Variants in DMD observed in about 807,000 individuals in gnomAD.
DMD encodes mutant dystrophin.
DMD carries 63 observed loss-of-function variants against 330.1 expected under a neutral mutation model. The ratio of observed to expected loss-of-function variants is 0.19; its 90% CI spans 0.16 to 0.24. The LOEUF is 0.24. DMD is among the 10% of genes least tolerant of loss of function. The pLI, the probability that DMD is intolerant of heterozygous loss-of-function variation, is 1.00. For synonymous variants in DMD, 1,223 were observed against 959.8 expected (o/e 1.27, Z -5.07); for missense variants, 3,344 against 2,684.1 (o/e 1.25, Z -5.43).
At chrX:32,265,106 T>A (rs1383548454) in intron 43 of DMD, among the ~76,000 whole-genome samples, 1 of 112,347 alleles carries the variant, frequency 8.9e-6, no homozygotes, top group Non-Finnish European at 1.9e-5. Flanking sequence ...GAAGTTTTCA[T>A]GGCAGCCCCT....
At chrX:31,206,817 T>C in intron 65 of DMD, 150 bp from the exon 66 acceptor site, 3 of 510,134 alleles carry the variant, frequency 5.9e-6, no homozygotes, top group Non-Finnish European at 1.0e-5. Context: ...TTTATTAAGA[T>C]TGTTTTGAAC....
chrX:32,243,062 GC>G (rs1270481731), intron 43 of DMD, among the ~76,000 whole-genome samples: 1 of 108,425 alleles, frequency 9.2e-6, no homozygotes, highest in African/African-American at 3.3e-5. Flanking sequence ...AACCAAGCAA[GC>G]AGGCAGACAG....
In DMD at chrX:32,050,974, C is replaced by CTTT. The variant is rs761835866; in HGVS notation, c.6439-82463_6439-82461dup. Among the ~76,000 whole-genome samples the CTTT allele has an allele frequency of 1.2e-3, 92 of 78,123 alleles. 2 individuals carry two copies. Among genetic ancestry groups the CTTT allele is most frequent in the Non-Finnish European group, 1.6e-3 (69 of 42,728 alleles). The allele number at this position is 78,123 out of a possible 115,157, so 67.8% of individuals were successfully genotyped here. A position where few individuals can be genotyped will look rare whatever the true frequency, so the allele number is the denominator to read the frequency against. ...TTACATTGCCTCAGGCTAACTTCCT[C>CTTT]TTTTTTTTTTTTTCCCCCTAATAGA... On this transcript the variant is annotated intron_variant, in intron 44 of 78. Coordinates refer to ENST00000357033, the MANE Select transcript of DMD (RefSeq NM_004006.3).
intron 66 of DMD, among the ~76,000 whole-genome samples, chrX:31,204,874 G>A (rs777109309): frequency 8.9e-6 from 1 of 111,969 alleles, no homozygotes; most frequent in Non-Finnish European, 1.9e-5. Flanking sequence ...CTCCTACCTC[G>A]GCCTCCCTAA....
chrX:32,484,998 A>G lies in DMD; in HGVS notation c.2724T>C (p.Asp908=), dbSNP rs372780045. The G allele has an allele frequency of 8.3e-7, 1 of 1,211,466 alleles. No homozygotes were observed. The highest frequency in any genetic ancestry group is 1.7e-5 in the African/African-American group (1 of 57,836). The change falls in exon 21 of 79, where the codon GAT becomes GAC. Residue 908 remains aspartate (D), a synonymous_variant. Coordinates refer to ENST00000357033, the MANE Select transcript of DMD (RefSeq NM_004006.3). ...KEKGQGPMFL[D]ADFVAFTNHF... is the part of the protein sequence containing the mutation. ...GATTTGTAAAGGCCACAAAGTCTGC[A>G]TCCAGGAACATGGGTCCTTGTCCTT...
At chrX:32,748,776 A>C (rs1425110796) in intron 7 of DMD, among the ~76,000 whole-genome samples, 2 of 112,385 alleles carry the variant, frequency 1.8e-5, no homozygotes, top group Non-Finnish European at 3.8e-5. Context: ...TATACATGTG[A>C]ACAAATTTTA....
At chrX:31,779,683 C>T (rs2090899648) in intron 50 of DMD, among the ~76,000 whole-genome samples, 1 of 45,145 alleles carries the variant, frequency 2.2e-5, no homozygotes, top group Non-Finnish European at 4.0e-5. Flanking sequence ...TAGATACACA[C>T]ATTGTGTGTG....
intron 44 of DMD, among the ~76,000 whole-genome samples, chrX:31,987,573 T>C (rs1017412418): frequency 2.7e-5 from 3 of 111,968 alleles, no homozygotes; most frequent in African/African-American, 9.8e-5. Flanking sequence ...TTGGCTTAGT[T>C]AATACAACAT....
At chrX:31,788,975 T>A (rs1469577485) in intron 50 of DMD, among the ~76,000 whole-genome samples, 1 of 111,190 alleles carries the variant, frequency 9.0e-6, no homozygotes, top group African/African-American at 3.3e-5. Flanking sequence ...TCCTAAAAGA[T>A]GACGTGAGTC....
At chrX:31,557,501 G>A (rs184052573) in intron 55 of DMD, among the ~76,000 whole-genome samples, 5 of 111,786 alleles carry the variant, frequency 4.5e-5, no homozygotes, top group Admixed American at 1.9e-4. Context: ...ATATGTTGTC[G>A]TGTGACTAAT....
intron 55 of DMD, among the ~76,000 whole-genome samples, chrX:31,553,408 C>T (rs2074609368): frequency 8.9e-6 from 1 of 111,860 alleles, no homozygotes; most frequent in Middle Eastern, 4.6e-3. Flanking sequence ...AAGTAGATAA[C>T]TATTAGGTTG....
chrX:32,294,090 C>T (rs1322886312), intron 42 of DMD, among the ~76,000 whole-genome samples: 1 of 111,623 alleles, frequency 9.0e-6, no homozygotes, highest in African/African-American at 3.3e-5. Flanking sequence ...CTTGCCTGAC[C>T]TGGGCAGCCT....
chrX:33,161,677 C>G (rs2048780146), intron 1 of DMD, among the ~76,000 whole-genome samples: 1 of 111,220 alleles, frequency 9.0e-6, no homozygotes, highest in Non-Finnish European at 1.9e-5. Context: ...AAAACCTATT[C>G]TGAGCTCTAT....
chrX:31,316,454 G>A (rs772085641), intron 62 of DMD, among the ~76,000 whole-genome samples: 1 of 111,462 alleles, frequency 9.0e-6, no homozygotes, highest in South Asian at 3.8e-4. Context: ...TTCAGTCAAG[G>A]TGATACAAAT....
chrX:32,466,654 T>G (rs923166925), intron 23 of DMD, among the ~76,000 whole-genome samples: 1 of 109,839 alleles, frequency 9.1e-6, no homozygotes, highest in African/African-American at 3.3e-5. Context: ...GAAAGGAAGG[T>G]GAGAAGGAGA....
intron 55 of DMD, among the ~76,000 whole-genome samples, chrX:31,569,605 T>TGTATATATACGTATATATAC (rs2075658431): frequency 3.3e-5 from 3 of 89,613 alleles, no homozygotes; most frequent in Non-Finnish European, 6.8e-5. Context: ...TACACATATA[T>TGTATATATACGTATATATAC]GTATATACGT....
At chrX:33,255,838 T>C (rs1382454489) in intron 1 of DMD, among the ~76,000 whole-genome samples, 1 of 111,911 alleles carries the variant, frequency 8.9e-6, no homozygotes, top group Non-Finnish European at 1.9e-5. Context: ...TCACATTCTC[T>C]ATTAGTGATT....
chrX:31,229,034 C>A (rs1239143009), intron 63 of DMD, among the ~76,000 whole-genome samples: 1 of 112,034 alleles, frequency 8.9e-6, no homozygotes. Flanking sequence ...TAATAGGCTT[C>A]TCTTGCCCCT....
At chrX:31,840,033 T>A (rs1569470368) in intron 48 of DMD, among the ~76,000 whole-genome samples, 1 of 111,261 alleles carries the variant, frequency 9.0e-6, no homozygotes, top group East Asian at 2.8e-4. Context: ...CACTCCCACT[T>A]CACTTTTCTT....
Sources: allele counts gnomAD v4.1 joint callset (sites outside exome capture counted in the v4.1 genomes callset), GRCh38; gene constraint gnomAD v4.1.1; transcripts MANE v1.5; gene names NCBI Gene and HGNC (gene_info 2026-07-23, HGNC 2026-07-21).